Variants in FXYD4 observed in about 807,000 individuals in gnomAD.
FXYD4 encodes the protein FXYD domain-containing ion transport regulator 4.
FXYD4 carries 14 observed loss-of-function variants against 18.3 expected under a neutral mutation model. That is an observed-to-expected ratio of 0.77 (90% confidence interval 0.51 to 1.20). The LOEUF (loss-of-function observed/expected upper bound fraction) is 1.20. FXYD4 is among the 50% of genes most tolerant of loss of function. FXYD4 has a pLI of 0.00. For synonymous variants in FXYD4, 40 were observed against 40.5 expected (o/e 0.99, Z 0.04); for missense variants, 99 against 106.1 (o/e 0.93, Z 0.29).
At chr10:43,373,342 A>ATTT in intron 2 of FXYD4, 173 bp from the exon 3 acceptor site, 1 of 176,050 alleles carries the variant, frequency 5.7e-6, no homozygotes, top group Non-Finnish European at 1.2e-5. Context: ...TCTAAGCTCC[A>ATTT]TTTTTTTTTT....
intron 3 of FXYD4, among the ~76,000 whole-genome samples, 163 bp from the exon 4 acceptor site, chr10:43,374,307 C>T (rs146655998): frequency 5.9e-5 from 9 of 152,268 alleles, no homozygotes; most frequent in East Asian, 3.9e-4. Context: ...AGGGCTTGGG[C>T]GGGGCCACAC....
Position 43,373,702 on chromosome 10 carries a change from G to A in FXYD4, c.-45G>A, listed in dbSNP as rs546355644. 3.4e-5 allele frequency: 39 copies of A among 1,163,126 alleles called. No homozygotes were observed. The highest frequency in any genetic ancestry group is 3.7e-5 in the Non-Finnish European group (29 of 776,194). The allele number at this position is 1,163,126 out of a possible 1,614,324, so 72.1% of individuals were successfully genotyped here. On this transcript the variant is annotated 5_prime_UTR_variant, in exon 3 of 9. Transcript: ENST00000476166. Reference sequence around the variant, plus strand: ...GCAGATCCGTGGGCTGCAGACCCCCGCCCCAGTGCCTCTCCCCCTGCAGCC... The same window carrying A: ...GCAGATCCGTGGGCTGCAGACCCCCACCCCAGTGCCTCTCCCCCTGCAGCC...
intron 7 of FXYD4, 114 bp from the exon 8 acceptor site, chr10:43,375,918 A>G (rs984080622): frequency 2.4e-6 from 3 of 1,276,324 alleles, no homozygotes; most frequent in Non-Finnish European, 3.4e-6. Context: ...GGAAGTGACC[A>G]TGGAAGGAGA....
Position 43,373,655 on chromosome 10 carries a change from C to G in FXYD4, c.-92C>G. 1.2e-6 allele frequency: 1 copy of G among 805,636 alleles called. No individual in the cohort carries two copies. Among genetic ancestry groups the G allele is most frequent in the Non-Finnish European group, 2.2e-6 (1 of 447,374 alleles). The allele number at this position is 805,636 out of a possible 1,614,324, so 49.9% of individuals were successfully genotyped here. A position where few individuals can be genotyped will look rare whatever the true frequency, so the allele number is the denominator to read the frequency against. On this transcript the variant is annotated 5_prime_UTR_variant, in exon 3 of 9. Coordinates refer to ENST00000476166, the MANE Select transcript of FXYD4 (RefSeq NM_173160.3). ...CCCCGCCCCTGCCTCCTCTCGCTGA[C>G]CAATTGAGCTGTGAGCCTGGAGCAG...
At position 43,374,520 on chromosome 10, in the gene FXYD4, A is replaced by G. The variant is rs1837844642; in HGVS notation, c.70+18A>G. On this transcript the variant is annotated intron_variant, in intron 4 of 8. Transcript: ENST00000476166. ...CCCATTTGGTGAGTGAGGCCCCCAA[A>G]CAGCCTGCCCACTCTGCCCACATCT... is the stretch of plus-strand genomic sequence containing the variant. 1 of 1,613,738 alleles carries G rather than the reference A, an allele frequency of 6.2e-7. No individual in the cohort carries two copies. The highest frequency in any genetic ancestry group is 1.3e-5 in the African/African-American group (1 of 74,878).
In FXYD4 at chr10:43,375,694, G is replaced by A. The variant is rs1564389228; in HGVS notation, c.173-1G>A. 6.2e-7 allele frequency: 1 copy of A among 1,614,154 alleles called. No homozygotes were observed. The highest frequency in any genetic ancestry group is 8.5e-7 in the Non-Finnish European group (1 of 1,180,022). On this transcript the variant is annotated splice_acceptor_variant, in intron 6 of 8. Transcript: ENST00000476166. LOFTEE classifies it high-confidence loss of function. ...GGCGCTGACCCCTCTCTCTCTCCCA[G>A]GTGGCAAATGCAAATGCAAGAGCAG...
At position 43,373,658 on chromosome 10, in the gene FXYD4, A is replaced by G; in HGVS notation, c.-89A>G. On this transcript the variant is annotated 5_prime_UTR_variant, in exon 3 of 9. Transcript: ENST00000476166. ...CGCCCCTGCCTCCTCTCGCTGACCA[A>G]TTGAGCTGTGAGCCTGGAGCAGATC... is the stretch of plus-strand genomic sequence containing the variant. The G allele has an allele frequency of 1.2e-6, 1 of 817,064 alleles. No individual in the cohort carries two copies. Among genetic ancestry groups the G allele is most frequent in the South Asian group, 1.3e-5 (1 of 75,350 alleles). 50.6% of individuals were successfully genotyped at this position (817,064 alleles called of 1,614,324 possible).
intron 3 of FXYD4, 29 bp downstream of exon 3, chr10:43,373,812 C>T (rs1837836891): frequency 1.3e-6 from 2 of 1,505,834 alleles, no homozygotes; most frequent in Non-Finnish European, 1.8e-6. Flanking sequence ...CTGGGACCCT[C>T]TTGCATTCAC....
At chr10:43,374,350 G>A in intron 3 of FXYD4, 120 bp from the exon 4 acceptor site, 1 of 925,758 alleles carries the variant, frequency 1.1e-6, no homozygotes, top group Non-Finnish European at 1.8e-6. Context: ...GAGGGCGTGA[G>A]GAAGGGAACT....
At chr10:43,374,672 C>G (rs1319188622) in intron 5 of FXYD4, 33 bp downstream of exon 5, 5 of 1,565,076 alleles carry the variant, frequency 3.2e-6, no homozygotes, top group Non-Finnish European at 4.4e-6. Context: ...CCACCCTACC[C>G]TTGCCTATCC....
At chr10:43,371,786 G>A (rs1387125289) in intron 1 of FXYD4, 89 bp downstream of exon 1, 2 of 152,192 alleles carry the variant, frequency 1.3e-5, no homozygotes, top group African/African-American at 4.8e-5. Context: ...AGGGGTCTGA[G>A]GACAGATATG....
intron 5 of FXYD4, among the ~76,000 whole-genome samples, chr10:43,375,261 A>G (rs1323634124): frequency 1.3e-5 from 2 of 152,030 alleles, no homozygotes; most frequent in Non-Finnish European, 2.9e-5. Flanking sequence ...TTCTGACCTC[A>G]GGTGATCTGC....
Position 43,373,640 on chromosome 10 carries a change from G to A in FXYD4, c.-107G>A. The A allele has an allele frequency of 1.3e-6, 1 of 765,476 alleles. No homozygotes were observed. Among genetic ancestry groups the A allele is most frequent in the Non-Finnish European group, 2.4e-6 (1 of 415,408 alleles). 47.4% of individuals were successfully genotyped at this position (765,476 alleles called of 1,614,324 possible). A position where few individuals can be genotyped will look rare whatever the true frequency, so the allele number is the denominator to read the frequency against. On this transcript the variant is annotated 5_prime_UTR_variant, in exon 3 of 9. Transcript: ENST00000476166. ...TGGGGCTCTGCCTGCCCCCGCCCCT[G>A]CCTCCTCTCGCTGACCAATTGAGCT...
intron 2 of FXYD4, among the ~76,000 whole-genome samples, chr10:43,373,105 T>C (rs575214587): frequency 1.3e-5 from 2 of 152,162 alleles, no homozygotes; most frequent in Non-Finnish European, 2.9e-5. Context: ...TGCAGTCATC[T>C]CATCCCAGGA....
At chr10:43,375,912 G>A in intron 7 of FXYD4, 120 bp from the exon 8 acceptor site, 1 of 1,256,440 alleles carries the variant, frequency 8.0e-7, no homozygotes, top group Non-Finnish European at 1.2e-6. Context: ...ATTGTGGGAA[G>A]TGACCATGGA....
At chr10:43,375,008 C>T (rs989112323) in intron 5 of FXYD4, among the ~76,000 whole-genome samples, 5 of 148,854 alleles carry the variant, frequency 3.4e-5, no homozygotes, top group Non-Finnish European at 7.4e-5. Context: ...CCTTTCTTTG[C>T]GCATGTCCAC....
intron 5 of FXYD4, 95 bp downstream of exon 5, chr10:43,374,734 A>T (rs1243808849): frequency 1.0e-6 from 1 of 976,816 alleles, no homozygotes; most frequent in Non-Finnish European, 1.7e-6. Context: ...CCTAGTGTAG[A>T]CAAAGTGGGA....
Position 43,375,551 on chromosome 10 carries a change from TGCTGGGATCGCG to T in FXYD4, c.153_164del (p.Gly52_Ala55del). On this transcript the variant is annotated inframe_deletion, in exon 6 of 9. Coordinates refer to ENST00000476166, the MANE Select transcript of FXYD4 (RefSeq NM_173160.3). ...TGATCTGCGGAGGGCTCCTGGCCAT[TGCTGGGATCGCG>T]GCAGTTCTGAGTGAGTGGCAGGACA... 6.2e-7 allele frequency: 1 copy of T among 1,613,982 alleles called. No individual in the cohort carries two copies. Among genetic ancestry groups the T allele is most frequent in the Non-Finnish European group, 8.5e-7 (1 of 1,179,972 alleles).
chr10:43,375,278 C>T (rs1409745784), intron 5 of FXYD4, among the ~76,000 whole-genome samples: 3 of 152,092 alleles, frequency 2.0e-5, no homozygotes, highest in Non-Finnish European at 4.4e-5. Flanking sequence ...CTGCCCGCCT[C>T]GGCCTCCCAA....
Sources: gnomAD v4.1 joint callset for allele counts (sites outside exome capture counted in the v4.1 genomes callset) on GRCh38, gnomAD v4.1.1 for gene constraint, MANE v1.5 for transcripts, NCBI Gene and HGNC (gene_info 2026-07-23, HGNC 2026-07-21) for gene names.